The following SLC26A7 variants were observed in gnomAD, a reference collection of about 807,000 sequenced individuals.
SLC26A7 encodes solute carrier family 26 member 7.
A neutral mutation model predicts 82.5 loss-of-function variants in SLC26A7; 59 were observed. The observed-to-expected ratio is 0.72, with a 90% CI of 0.58 to 0.89. SLC26A7 has a LOEUF of 0.89. Ranked by LOEUF, SLC26A7 falls within the 40% of genes least tolerant of loss-of-function variation. The pLI, the probability that SLC26A7 is intolerant of heterozygous loss-of-function variation, is 0.00. For synonymous variants in SLC26A7, 271 were observed against 274.3 expected (o/e 0.99, Z 0.12); for missense variants, 820 against 793.0 (o/e 1.03, Z -0.41).
At chr8:91,259,985 A>G (rs1476074378) in intron 2 of SLC26A7, among the ~76,000 whole-genome samples, 3 of 152,176 alleles carry the variant, frequency 2.0e-5, no homozygotes, top group Non-Finnish European at 4.4e-5. Context: ...TTCAGAAAGC[A>G]CTGTTGATAC....
Position 91,312,838 on chromosome 8 carries a change from T to A in SLC26A7, c.478-5378T>A, listed in dbSNP as rs1037436088. On this transcript the variant is annotated intron_variant, in intron 4 of 18. Coordinates refer to ENST00000276609, the MANE Select transcript of SLC26A7 (RefSeq NM_052832.4). ...TACACATCCTTTGCCCGTTTTTGAA[T>A]CAGATATTTGTTTTTGTTGAGTTTT... 2.6e-5 allele frequency among the ~76,000 whole-genome samples: 4 copies of A among 152,150 alleles called. No homozygotes were observed. In the East Asian group the frequency reaches 7.7e-4, roughly 29 times the overall value.
At chr8:91,289,840 G>C (rs752911541) in intron 3 of SLC26A7, among the ~76,000 whole-genome samples, 4 of 152,022 alleles carry the variant, frequency 2.6e-5, no homozygotes, top group African/African-American at 4.8e-5. Context: ...TCTTTACTTG[G>C]TGTAACTCTT....
chr8:91,221,939 T>G (rs1261923248), intron 2 of SLC26A7, among the ~76,000 whole-genome samples: 1 of 152,200 alleles, frequency 6.6e-6, no homozygotes, highest in Non-Finnish European at 1.5e-5. Flanking sequence ...GGGAATAGCA[T>G]CAAATCTATA....
chr8:91,308,725 T>C (rs926610383), intron 4 of SLC26A7, among the ~76,000 whole-genome samples: 1 of 152,242 alleles, frequency 6.6e-6, no homozygotes, highest in Admixed American at 6.5e-5. Context: ...CAATCATTTA[T>C]ATTAGTATGG....
rs567758825 is a variant in SLC26A7, at chr8:91,219,966, G to A, written c.-34+961G>A. On this transcript the variant is annotated intron_variant, in intron 2 of 5. Transcript: ENST00000522862. Reference sequence around the variant, plus strand: ...TGTCACTACGTATGGTCCTTCTGGTGGAAAGCTGAGTGGAGTCTCTCATCT... The same window carrying A: ...TGTCACTACGTATGGTCCTTCTGGTAGAAAGCTGAGTGGAGTCTCTCATCT... Among the ~76,000 whole-genome samples the A allele has an allele frequency of 9.2e-5, 14 of 152,274 alleles. No individual in the cohort carries two copies. In the South Asian group the frequency reaches 2.1e-3, roughly 23 times the overall value.
At chr8:91,361,830 T>C (rs753742439) in intron 11 of SLC26A7, among the ~76,000 whole-genome samples, 9 of 152,132 alleles carry the variant, frequency 5.9e-5, no homozygotes, top group Non-Finnish European at 8.8e-5. Context: ...ATGATCTTCA[T>C]AGTGATTGAT....
rs1196893930 is a variant in SLC26A7 at position 91,211,614 on chromosome 8, ATATTT to A, written c.-150+2074_-150+2078del. ...TATACAAATATATATATATATATAT[ATATTT>A]TTTTTTTATTTTTTTTGCTTGGAAG... is the stretch of plus-strand genomic sequence containing the variant. On this transcript the variant is annotated intron_variant, in intron 1 of 5. Coordinates refer to the SLC26A7 transcript ENST00000522862. Among the ~76,000 whole-genome samples the A allele has an allele frequency of 5.0e-5, 7 of 140,746 alleles. No individual in the cohort carries two copies. The East Asian group carries it at 1.4e-3, about 28-fold the overall frequency. The allele number at this position is 140,746 out of a possible 152,430, so 92.3% of individuals were successfully genotyped here.
rs1451079960 is a variant in SLC26A7, at chr8:91,397,438, A to G, written c.*2341A>G. 1 of 152,548 alleles carries G rather than the reference A, an allele frequency of 6.6e-6. No homozygotes were observed. The highest frequency in any genetic ancestry group is 1.5e-5 in the Non-Finnish European group (1 of 67,968). The allele number at this position is 152,548 out of a possible 1,614,324, so 9.4% of individuals were successfully genotyped here. A position where few individuals can be genotyped will look rare whatever the true frequency, so the allele number is the denominator to read the frequency against. On this transcript the variant is annotated 3_prime_UTR_variant, in exon 19 of 19. Transcript: ENST00000276609. ...TGAATTATTTTTATGAGATTACCTT[A>G]TTTTTATATATGACAAACTACTTCT...
At chr8:91,271,925 A>G (rs896841729) in intron 2 of SLC26A7, among the ~76,000 whole-genome samples, 3 of 152,144 alleles carry the variant, frequency 2.0e-5, no homozygotes, top group African/African-American at 7.2e-5. Context: ...GTCCTTCACA[A>G]AAACACTGAA....
At chr8:91,220,104 G>A (rs1329525068) in intron 2 of SLC26A7, among the ~76,000 whole-genome samples, 1 of 152,090 alleles carries the variant, frequency 6.6e-6, no homozygotes, top group Admixed American at 6.6e-5. Flanking sequence ...AATCAATGGA[G>A]CACAGCAAAG....
intron 2 of SLC26A7, among the ~76,000 whole-genome samples, chr8:91,228,225 A>G (rs1256531444): frequency 1.3e-5 from 2 of 152,206 alleles, no homozygotes; most frequent in Non-Finnish European, 2.9e-5. Flanking sequence ...TTGTTTCTAG[A>G]TGCATGGTTG....
chr8:91,227,373 G>C (rs1043659751), intron 2 of SLC26A7, among the ~76,000 whole-genome samples: 1 of 152,176 alleles, frequency 6.6e-6, no homozygotes, highest in Non-Finnish European at 1.5e-5. Context: ...TTCACTGTTT[G>C]TTATAAACTC....
intron 3 of SLC26A7, 24 bp from the exon 4 acceptor site, chr8:91,295,507 A>T: frequency 3.1e-6 from 5 of 1,594,156 alleles, no homozygotes; most frequent in Non-Finnish European, 3.4e-6. Flanking sequence ...CTAATAGAAG[A>T]TTCCCCACAC....
chr8:91,259,394 C>A (rs2130712779), intron 2 of SLC26A7, among the ~76,000 whole-genome samples: 1 of 152,188 alleles, frequency 6.6e-6, no homozygotes, highest in Admixed American at 6.5e-5. Flanking sequence ...TTCTCAAACT[C>A]AGCTCAAGGA....
At chr8:91,284,102 CA>C (rs1811647681) in intron 2 of SLC26A7, among the ~76,000 whole-genome samples, 1 of 152,110 alleles carries the variant, frequency 6.6e-6, no homozygotes. Flanking sequence ...AGAAACTAGC[CA>C]AACTAAAAGT....
intron 2 of SLC26A7, among the ~76,000 whole-genome samples, chr8:91,274,116 A>C (rs538122136): frequency 6.6e-6 from 1 of 152,306 alleles, no homozygotes; most frequent in East Asian, 1.9e-4. Flanking sequence ...TACTTTGAAA[A>C]ACAAATGAGA....
chr8:91,333,717 T>A (rs1216709457), intron 5 of SLC26A7, among the ~76,000 whole-genome samples: 1 of 152,178 alleles, frequency 6.6e-6, no homozygotes, highest in East Asian at 1.9e-4. Context: ...CTGAGCAACG[T>A]CTCAATTTTT....
chr8:91,352,163 G>C (rs1813734786), intron 10 of SLC26A7, among the ~76,000 whole-genome samples: 1 of 151,978 alleles, frequency 6.6e-6, no homozygotes, highest in Non-Finnish European at 1.5e-5. Context: ...AGTGGAACTA[G>C]GCATATTCTG....
intron 4 of SLC26A7, among the ~76,000 whole-genome samples, 153 bp downstream of exon 4, chr8:91,295,856 C>T (rs551408034): frequency 6.6e-6 from 1 of 152,234 alleles, no homozygotes; most frequent in East Asian, 1.9e-4. Flanking sequence ...TGTTTAGAGT[C>T]ATTACTCTAT....
Sources: gnomAD v4.1 joint callset for allele counts (sites outside exome capture counted in the v4.1 genomes callset) on GRCh38, gnomAD v4.1.1 for gene constraint, MANE v1.5 for transcripts, NCBI Gene and HGNC (gene_info 2026-07-23, HGNC 2026-07-21) for gene names.